The following RGCC variants were observed in gnomAD, a reference collection of about 807,000 sequenced individuals.
The protein encoded by RGCC is regulator of cell cycle, also known as regulator of cell cycle RGCC.
A neutral mutation model predicts 15.4 loss-of-function variants in RGCC; 15 were observed. The observed-to-expected ratio is 0.97, with a 90% CI of 0.65 to 1.50. The LOEUF (loss-of-function observed/expected upper bound fraction) is 1.50. Among genes scored for constraint, RGCC ranks in the 40% most tolerant of loss-of-function variants. The pLI, the probability that RGCC is intolerant of heterozygous loss-of-function variation, is 0.00. For synonymous variants in RGCC, 81 were observed against 78.0 expected (o/e 1.04, Z -0.20); for missense variants, 176 against 189.7 (o/e 0.93, Z 0.42).
chr13:41,469,169 G>A (rs1204997423), intron 4 of RGCC, among the ~76,000 whole-genome samples: 1 of 151,970 alleles, frequency 6.6e-6, no homozygotes, highest in African/African-American at 2.4e-5. Flanking sequence ...GCTGAGGTAG[G>A]AGAATCACTT....
Position 41,466,988 on chromosome 13 carries a change from A to G in RGCC, c.343+58A>G, listed in dbSNP as rs7323146. 12,251 of 1,043,950 alleles carry G rather than the reference A, an allele frequency of 0.012. 905 individuals are homozygous for G. The African/African-American group carries it at 0.16, about 14-fold the overall frequency. The allele number at this position is 1,043,950 out of a possible 1,614,324, so 64.7% of individuals were successfully genotyped here. ...CTTTTTTATTCCTCTCTCCTTCTCA[A>G]TCCCTTCTCTGTCCCTTTTATCCCT... On this transcript the variant is annotated intron_variant, in intron 3 of 4. Coordinates refer to ENST00000379359, the MANE Select transcript of RGCC (RefSeq NM_014059.3).
chr13:41,468,731 A>C, intron 3 of RGCC, 45 bp from the exon 4 acceptor site: 1 of 1,455,790 alleles, frequency 6.9e-7, no homozygotes, highest in South Asian at 1.1e-5. Flanking sequence ...TTGTTATGGA[A>C]ACTGAACTCT....
chr13:41,466,011 C>T (rs2043845147), intron 2 of RGCC, among the ~76,000 whole-genome samples: 2 of 152,042 alleles, frequency 1.3e-5, no homozygotes, highest in African/African-American at 2.4e-5. Context: ...GATCCTATCA[C>T]CCCCTTCCTG....
Position 41,458,007 on chromosome 13 carries a change from G to T in RGCC, c.49+251G>T, listed in dbSNP as rs1346205696. Among the ~76,000 whole-genome samples the T allele has an allele frequency of 6.6e-6, 1 of 152,170 alleles. No individual in the cohort carries two copies. The highest frequency in any genetic ancestry group is 1.5e-5 in the Non-Finnish European group (1 of 68,022). On this transcript the variant is annotated intron_variant, in intron 1 of 4. Transcript: ENST00000379359. The surrounding 1 kb of genome is among the most constrained non-coding windows in gnomAD (Gnocchi z 4.4). ...GGGGGAGCGGCGGGGACAGGTAACC[G>T]GCAGCGCCTGGGGAGGAATCTGGCC...
In RGCC at chr13:41,457,557, G is replaced by C. The variant is rs1008989025; in HGVS notation, c.-151G>C. 7.6e-7 allele frequency: 1 copy of C among 1,308,388 alleles called. No individual in the cohort carries two copies. The highest frequency in any genetic ancestry group is 9.9e-7 in the Non-Finnish European group (1 of 1,012,852). 81.0% of individuals were successfully genotyped at this position (1,308,388 alleles called of 1,614,324 possible). ...GGAACCCGAGCCGGTGGTAGGGCGG[G>C]CGCGGACCGTGCTGGGAGCGGCGCG... On this transcript the variant is annotated 5_prime_UTR_variant, in exon 1 of 5. Coordinates refer to ENST00000379359, the MANE Select transcript of RGCC (RefSeq NM_014059.3). The surrounding 1 kb of genome is among the most constrained non-coding windows in gnomAD (Gnocchi z 4.9).
In RGCC at chr13:41,458,788, C is replaced by A. The variant is rs999669581; in HGVS notation, c.235+318C>A. On this transcript the variant is annotated intron_variant, in intron 2 of 4. Transcript: ENST00000379359. This position sits in a 1 kb window ranked among gnomAD's most constrained non-coding sequence, Gnocchi z 4.4. ...TTTCCCTCCTCTTCTCCTTTCCGTG[C>A]CTCTCCCCTCTCAGCTGTAACTTTG... Among the ~76,000 whole-genome samples, 1 of 152,068 alleles carries A rather than the reference C, an allele frequency of 6.6e-6. No homozygotes were observed. Among genetic ancestry groups the A allele is most frequent in the Admixed American group, 6.6e-5 (1 of 15,266 alleles).
intron 2 of RGCC, among the ~76,000 whole-genome samples, chr13:41,466,533 C>T (rs2043850335): frequency 6.6e-6 from 1 of 152,092 alleles, no homozygotes; most frequent in Non-Finnish European, 1.5e-5. Context: ...GGGCTACAGA[C>T]ACACACCACT....
At chr13:41,466,729 G>T in intron 2 of RGCC, 94 bp from the exon 3 acceptor site, 1 of 897,514 alleles carries the variant, frequency 1.1e-6, no homozygotes, top group Non-Finnish European at 1.8e-6. Flanking sequence ...GGCTTATTTT[G>T]AAGACAAATT....
chr13:41,463,327 A>G (rs967616324), intron 2 of RGCC, among the ~76,000 whole-genome samples: 3 of 151,264 alleles, frequency 2.0e-5, no homozygotes, highest in Non-Finnish European at 4.4e-5. Flanking sequence ...TGGCTCAAGG[A>G]TGCTGGCGGT....
At chr13:41,462,379 T>TATAC (rs1170807324) in intron 2 of RGCC, among the ~76,000 whole-genome samples, 14 of 152,224 alleles carry the variant, frequency 9.2e-5, no homozygotes, top group African/African-American at 3.4e-4. Flanking sequence ...GTATATTTCA[T>TATAC]ATGCTTTTCT....
At chr13:41,459,915 C>T (rs1425833842) in intron 2 of RGCC, among the ~76,000 whole-genome samples, 1 of 152,230 alleles carries the variant, frequency 6.6e-6, no homozygotes, top group African/African-American at 2.4e-5. Flanking sequence ...TTCTAAGCAA[C>T]AGCCTCACTC....
chr13:41,466,132 TCACA>T (rs569852975), intron 2 of RGCC, among the ~76,000 whole-genome samples: 7 of 150,140 alleles, frequency 4.7e-5, no homozygotes, highest in African/African-American at 1.7e-4. Context: ...TCTCATTTTC[TCACA>T]CACACTCCAC....
intron 4 of RGCC, among the ~76,000 whole-genome samples, chr13:41,469,536 G>A (rs1719638800): frequency 6.6e-6 from 1 of 152,120 alleles, no homozygotes; most frequent in Non-Finnish European, 1.5e-5. Context: ...AACCACAAGT[G>A]CATTATTCCA....
intron 2 of RGCC, among the ~76,000 whole-genome samples, chr13:41,463,863 C>G (rs1047044872): frequency 6.6e-6 from 1 of 152,172 alleles, no homozygotes. Context: ...AATGGCCTTT[C>G]CATATCTAGA....
At chr13:41,463,764 C>T (rs947844807) in intron 2 of RGCC, among the ~76,000 whole-genome samples, 1 of 152,182 alleles carries the variant, frequency 6.6e-6, no homozygotes, top group Non-Finnish European at 1.5e-5. Context: ...TCATTCTCTA[C>T]AGATTCTCTC....
At chr13:41,462,963 T>C (rs946460535) in intron 2 of RGCC, among the ~76,000 whole-genome samples, 2 of 152,210 alleles carry the variant, frequency 1.3e-5, no homozygotes, top group Non-Finnish European at 1.5e-5. Context: ...GTTGCTGCTC[T>C]CTCTCAAGAA....
chr13:41,462,548 A>G (rs1272454951), intron 2 of RGCC, among the ~76,000 whole-genome samples: 1 of 152,130 alleles, frequency 6.6e-6, no homozygotes, highest in Non-Finnish European at 1.5e-5. Flanking sequence ...AGGCCCTCAA[A>G]TATCCAGCCT....
At chr13:41,463,791 T>C (rs541690834) in intron 2 of RGCC, among the ~76,000 whole-genome samples, 29 of 152,272 alleles carry the variant, frequency 1.9e-4, no homozygotes, top group Admixed American at 4.6e-4. Flanking sequence ...CCATGAGTTA[T>C]GCTGAGTCTT....
At position 41,457,778 on chromosome 13, in the gene RGCC, C is replaced by G. The variant is rs1406388245; in HGVS notation, c.49+22C>G. The stretch of plus-strand genomic sequence containing the variant: ...GCAGGTGAGTGCGGGGTCCGGGGTC[C>G]CCTTAAAGTCTCGGCTCTGCAGATG... On this transcript the variant is annotated intron_variant, in intron 1 of 4. Coordinates refer to ENST00000379359, the MANE Select transcript of RGCC (RefSeq NM_014059.3). This position sits in a 1 kb window ranked among gnomAD's most constrained non-coding sequence, Gnocchi z 4.9. The G allele has an allele frequency of 7.3e-7, 1 of 1,374,456 alleles. No homozygotes were observed. The highest frequency in any genetic ancestry group is 9.4e-7 in the Non-Finnish European group (1 of 1,067,714). The allele number at this position is 1,374,456 out of a possible 1,614,324, so 85.1% of individuals were successfully genotyped here. A position where few individuals can be genotyped will look rare whatever the true frequency, so the allele number is the denominator to read the frequency against.
Sources: allele counts gnomAD v4.1 joint callset (sites outside exome capture counted in the v4.1 genomes callset), GRCh38; gene constraint gnomAD v4.1.1; non-coding constraint Gnocchi (gnomAD v3.1); transcripts MANE v1.5; gene names NCBI Gene and HGNC (gene_info 2026-07-23, HGNC 2026-07-21).